CACNA2D4: variants seen among roughly 807,000 people sequenced by gnomAD.
The protein encoded by CACNA2D4 is voltage-dependent calcium channel subunit alpha-2/delta-4.
In CACNA2D4, 157 loss-of-function variants were observed where a neutral mutation model predicts 163.8. That is an observed-to-expected ratio of 0.96 (90% CI 0.84 to 1.09). The LOEUF (loss-of-function observed/expected upper bound fraction) is 1.09, where lower values mean the gene tolerates loss of function less well. CACNA2D4 is among the 50% of genes least tolerant of loss of function. The probability of loss-of-function intolerance (pLI) is 0.00; values close to 1 mark genes in which losing one functional copy is unlikely to be tolerated. For synonymous variants in CACNA2D4, 598 were observed against 586.9 expected (o/e 1.02, Z -0.27); for missense variants, 1,410 against 1,479.9 (o/e 0.95, Z 0.78).
chr12:1,851,680 T>TGTGTGTGTG (rs55736421), intron 23 of CACNA2D4, among the ~76,000 whole-genome samples: 49 of 26,734 alleles, frequency 1.8e-3, no homozygotes, highest in East Asian at 5.5e-3. Context: ...TGTGTGTGCG[T>TGTGTGTGTG]TTTTTTTTTT....
chr12:1,892,047 T>C (rs1866297092), intron 6 of CACNA2D4, among the ~76,000 whole-genome samples: 1 of 152,188 alleles, frequency 6.6e-6, no homozygotes, highest in Non-Finnish European at 1.5e-5. Context: ...AGCAAGCGAT[T>C]ATGACATCAG....
chr12:1,877,243 T>C (rs1865902639), intron 16 of CACNA2D4, among the ~76,000 whole-genome samples: 1 of 152,226 alleles, frequency 6.6e-6, no homozygotes, highest in African/African-American at 2.4e-5. Context: ...CTAGAGTACA[T>C]AGATGGTAAC....
rs1863068668 is a variant in CACNA2D4 at position 1,794,987 on chromosome 12, C to G, written c.3309+312G>C. 5 of 542,956 alleles carry G rather than the reference C, an allele frequency of 9.2e-6. 1 individual carries two copies. The highest frequency in any genetic ancestry group is 8.5e-5 in the South Asian group (3 of 35,456). 33.6% of individuals were successfully genotyped at this position (542,956 alleles called of 1,614,324 possible). A position where few individuals can be genotyped will look rare whatever the true frequency, so the allele number is the denominator to read the frequency against. ...AAGATACCTCTATCATTCCAAGGGT[C>G]TTAGAGGCACCTGTGAAGGAACCAG... On this transcript the variant is annotated intron_variant, in intron 37 of 37. Transcript: ENST00000382722.
At chr12:1,890,963 A>G (rs1022128818) in intron 6 of CACNA2D4, among the ~76,000 whole-genome samples, 5 of 152,170 alleles carry the variant, frequency 3.3e-5, no homozygotes, top group African/African-American at 1.2e-4. Flanking sequence ...GCCACTGCCA[A>G]GAGCAGCACA....
At position 1,854,036 on chromosome 12, in the gene CACNA2D4, C is replaced by A. The variant is rs1326708063; in HGVS notation, c.2161G>T (p.Glu721Ter). ...TCAAACAGCACCTCCCGGACCAGCT[C>A]CTCGTCACCTGGGTGCAAAACATCA... Reference protein sequence around the residue: ...RKDPDLECDEELVREVLFDAV... With the variant: ...RKDPDLECDE The change falls in exon 23 of 38, where the codon GAG becomes TAG. Residue 721 changes from glutamate to a stop codon, truncating the protein, a stop_gained. Coordinates refer to ENST00000382722, the MANE Select transcript of CACNA2D4 (RefSeq NM_172364.5). LOFTEE classifies it high-confidence loss of function. 6.2e-7 allele frequency: 1 copy of A among 1,609,308 alleles called. No homozygotes were observed. The highest frequency in any genetic ancestry group is 8.5e-7 in the Non-Finnish European group (1 of 1,177,372).
chr12:1,915,784 G>T (rs1226579856), intron 1 of CACNA2D4, among the ~76,000 whole-genome samples: 1 of 152,362 alleles, frequency 6.6e-6, no homozygotes, highest in African/African-American at 2.4e-5. Flanking sequence ...GGTACACAGG[G>T]CTGGGGCTGA....
rs924404999 is a variant in CACNA2D4, at chr12:1,882,986, T to A, written c.1366A>T (p.Ile456Phe). Residue 456 changes from isoleucine to phenylalanine, a missense_variant, in exon 13 of 38, where the codon ATC becomes TTC. Transcript: ENST00000382722. ...TCCTGGGTGTCCGCCAGCGTTGAGA[T>A]CTGCGTGTAGTAGCCTGCGGTGGGG... Reference protein sequence around the residue: ...ACNNKGYYTQISTLADTQENV... With the variant: ...ACNNKGYYTQFSTLADTQENV... 6.2e-7 allele frequency: 1 copy of A among 1,613,028 alleles called. No individual in the cohort carries two copies. The highest frequency in any genetic ancestry group is 8.5e-7 in the Non-Finnish European group (1 of 1,179,560).
intron 16 of CACNA2D4, among the ~76,000 whole-genome samples, chr12:1,877,391 G>C (rs1865905043): frequency 6.6e-6 from 1 of 152,162 alleles, no homozygotes; most frequent in Non-Finnish European, 1.5e-5. Flanking sequence ...ACATGTTATG[G>C]GCTCAGATGC....
At chr12:1,912,926 G>C (rs1302627572) in intron 3 of CACNA2D4, 97 bp downstream of exon 3, 11 of 724,440 alleles carry the variant, frequency 1.5e-5, no homozygotes, top group African/African-American at 1.0e-4. Flanking sequence ...GGGTCACGAG[G>C]GGGGAGGATG....
Position 1,879,810 on chromosome 12 carries a change from G to C in CACNA2D4, c.1557C>G (p.Asn519Lys). 6.3e-7 allele frequency: 1 copy of C among 1,599,682 alleles called. No individual in the cohort carries two copies. The highest frequency in any genetic ancestry group is 8.5e-7 in the Non-Finnish European group (1 of 1,173,036). ...TCCAGGAGCGGCCACTCACCGTTTCGTTCTTCTTGCTGAAGACTGGCATGG... is the reference window on the plus strand; with the variant it reads ...TCCAGGAGCGGCCACTCACCGTTTCCTTCTTCTTGCTGAAGACTGGCATGG... ...TVAMPVFSKKNETRSHGILLG... is the reference protein window; with the variant it reads ...TVAMPVFSKKKETRSHGILLG... The change falls in exon 14 of 38, where the codon AAC becomes AAG. Residue 519 changes from asparagine to lysine, a missense_variant. Coordinates refer to ENST00000382722, the MANE Select transcript of CACNA2D4 (RefSeq NM_172364.5).
intron 3 of CACNA2D4, among the ~76,000 whole-genome samples, chr12:1,912,587 AG>A (rs59116959): frequency 0.93 from 141,130 of 152,178 alleles, 65,497 homozygotes; most frequent in East Asian, 1. Flanking sequence ...AGGAGAGGGG[AG>A]GGGGGAGCTT....
At chr12:1,814,301 G>A (rs1353039493) in intron 26 of CACNA2D4, among the ~76,000 whole-genome samples, 1 of 152,124 alleles carries the variant, frequency 6.6e-6, no homozygotes, top group East Asian at 1.9e-4. Flanking sequence ...GAAATGGGGG[G>A]AGCAGGGCAC....
intron 6 of CACNA2D4, among the ~76,000 whole-genome samples, chr12:1,896,648 C>CAAA (rs1287942739): frequency 7.3e-6 from 1 of 136,584 alleles, no homozygotes; most frequent in African/African-American, 2.9e-5. Context: ...CACACACACA[C>CAAA]ACACACAAAA....
intron 25 of CACNA2D4, among the ~76,000 whole-genome samples, chr12:1,842,668 A>G (rs1482653430): frequency 8.4e-6 from 1 of 119,624 alleles, no homozygotes; most frequent in Admixed American, 1.2e-4. Flanking sequence ...CAGCAGGCTC[A>G]GTCCTGGTGA....
intron 5 of CACNA2D4, 144 bp downstream of exon 5, chr12:1,907,731 C>A (rs112739295): frequency 2.5e-5 from 29 of 1,157,334 alleles, no homozygotes; most frequent in Non-Finnish European, 3.2e-5. Context: ...GCCTGGTGGG[C>A]GTGCCTGGTG....
At chr12:1,892,155 A>G (rs1382177702) in intron 6 of CACNA2D4, among the ~76,000 whole-genome samples, 2 of 152,244 alleles carry the variant, frequency 1.3e-5, no homozygotes, top group Non-Finnish European at 2.9e-5. Flanking sequence ...TTCTAAAAAC[A>G]GCAAGGGAAA....
chr12:1,898,280 T>C (rs191905851), intron 6 of CACNA2D4, among the ~76,000 whole-genome samples: 3 of 151,044 alleles, frequency 2.0e-5, no homozygotes, highest in African/African-American at 7.3e-5. Context: ...GTCAACAGAG[T>C]GAAAAGGCAA....
At chr12:1,915,139 CAT>C in intron 1 of CACNA2D4, 1 of 703,706 alleles carries the variant, frequency 1.4e-6, no homozygotes, top group Non-Finnish European at 2.6e-6. Context: ...CCCCCACACA[CAT>C]GCATATGCAT....
chr12:1,841,156 G>C (rs1431436605), intron 25 of CACNA2D4, among the ~76,000 whole-genome samples: 1 of 152,218 alleles, frequency 6.6e-6, no homozygotes, highest in Non-Finnish European at 1.5e-5. Context: ...CCTTCCAACG[G>C]CAGGAAGGAC....
Sources: allele counts gnomAD v4.1 joint callset (sites outside exome capture counted in the v4.1 genomes callset), GRCh38; gene constraint gnomAD v4.1.1; transcripts MANE v1.5; gene names NCBI Gene and HGNC (gene_info 2026-07-23, HGNC 2026-07-21).